Variants in DPYSL5 observed in about 807,000 individuals in gnomAD.
The protein encoded by DPYSL5 is dihydropyrimidinase-related protein 5.
DPYSL5 carries 9 observed loss-of-function variants against 58.4 expected under a neutral mutation model. The ratio of observed to expected loss-of-function variants is 0.15; its 90% CI spans 0.09 to 0.27. The LOEUF (loss-of-function observed/expected upper bound fraction) is 0.27. DPYSL5 is among the 10% of genes least tolerant of loss of function. The pLI, the probability that DPYSL5 is intolerant of heterozygous loss-of-function variation, is 1.00. For missense variants in DPYSL5, 499 were observed against 770.6 expected (o/e 0.65, Z 4.17); for synonymous variants, 293 against 301.9 (o/e 0.97, Z 0.31).
intron 6 of DPYSL5, among the ~76,000 whole-genome samples, chr2:26,932,392 T>G (rs960824805): frequency 6.6e-6 from 1 of 152,208 alleles, no homozygotes; most frequent in African/African-American, 2.4e-5. Context: ...CCGCCGAGCC[T>G]GCTGAAGCTC....
chr2:26,862,468 G>T (rs1307477210), intron 1 of DPYSL5, among the ~76,000 whole-genome samples: 2 of 152,218 alleles, frequency 1.3e-5, no homozygotes, highest in African/African-American at 4.8e-5. Context: ...GGTCTATAGG[G>T]ATAAACTGGG....
rs541913665 is a variant in DPYSL5 at position 26,877,102 on chromosome 2, G to T, written c.-4-21394G>T. Among the ~76,000 whole-genome samples the T allele has an allele frequency of 3.3e-5, 5 of 151,632 alleles. No homozygotes were observed. The highest frequency in any genetic ancestry group is 3.3e-4 in the Admixed American group (5 of 15,216). ...TTGCCTCAGCCTCCCGAGTAGCTGG[G>T]ATTATAGGCGCCTGCCACCAAGCCC... On this transcript the variant is annotated intron_variant, in intron 1 of 12. Coordinates refer to ENST00000288699, the MANE Select transcript of DPYSL5 (RefSeq NM_020134.4). The surrounding 1 kb of genome is among the most constrained non-coding windows in gnomAD (Gnocchi z 4.1).
intron 1 of DPYSL5, among the ~76,000 whole-genome samples, chr2:26,887,759 A>G (rs1663756643): frequency 1.3e-5 from 2 of 149,496 alleles, no homozygotes; most frequent in Non-Finnish European, 2.9e-5. Context: ...CTCATGAAAG[A>G]CTGCACTCCC....
chr2:26,912,986 C>T (rs1664479671), intron 2 of DPYSL5, among the ~76,000 whole-genome samples: 1 of 152,206 alleles, frequency 6.6e-6, no homozygotes, highest in Non-Finnish European at 1.5e-5. Flanking sequence ...GCTCTAGAGT[C>T]TGGCTATGTG....
intron 2 of DPYSL5, among the ~76,000 whole-genome samples, chr2:26,923,871 G>C (rs1301364674): frequency 6.6e-6 from 1 of 152,052 alleles, no homozygotes; most frequent in African/African-American, 2.4e-5. Context: ...TGTTGGCCAG[G>C]CTCATCTTGA....
chr2:26,886,190 C>G (rs1415219636), intron 1 of DPYSL5, among the ~76,000 whole-genome samples: 1 of 152,166 alleles, frequency 6.6e-6, no homozygotes, highest in East Asian at 1.9e-4. Context: ...GATTGGATGT[C>G]GGGAGAAGTA....
At chr2:26,867,172 G>A (rs1187150156) in intron 1 of DPYSL5, among the ~76,000 whole-genome samples, 1 of 152,058 alleles carries the variant, frequency 6.6e-6, no homozygotes, top group African/African-American at 2.4e-5. Flanking sequence ...TATGTACATA[G>A]GTAAATATCT....
rs1665682747 is a variant in DPYSL5 at position 26,849,255 on chromosome 2, C to A, written c.-5+1001C>A. ...GAGGAGGGATGCAGGCGGGTGGAGG[C>A]CGCCTGGGTTTGAGGAGGGAGGACG... On this transcript the variant is annotated intron_variant, in intron 1 of 12. Transcript: ENST00000288699. The surrounding 1 kb of genome is among the most constrained non-coding windows in gnomAD (Gnocchi z 6.2). 6.6e-6 allele frequency among the ~76,000 whole-genome samples: 1 copy of A among 151,560 alleles called. No individual in the cohort carries two copies. The highest frequency in any genetic ancestry group is 1.5e-5 in the Non-Finnish European group (1 of 67,818).
Position 26,927,142 on chromosome 2 carries a change from C to A in DPYSL5, c.421-111C>A, listed in dbSNP as rs1214077831. 1.7e-6 allele frequency: 2 copies of A among 1,183,408 alleles called. No homozygotes were observed. The highest frequency in any genetic ancestry group is 1.5e-5 in the African/African-American group (1 of 64,788). 73.3% of individuals were successfully genotyped at this position (1,183,408 alleles called of 1,614,324 possible). On this transcript the variant is annotated intron_variant, in intron 3 of 12. Transcript: ENST00000288699. This position sits in a 1 kb window ranked among gnomAD's most constrained non-coding sequence, Gnocchi z 4.3. ...TAGAGAGGTGTGGGGGGTCAACCGACAGACTGAGCTGGGGCAGGCCCCACA... is the reference window on the plus strand; with the variant it reads ...TAGAGAGGTGTGGGGGGTCAACCGAAAGACTGAGCTGGGGCAGGCCCCACA...
intron 1 of DPYSL5, among the ~76,000 whole-genome samples, chr2:26,892,963 G>A (rs1009381994): frequency 2.0e-5 from 3 of 152,192 alleles, no homozygotes; most frequent in African/African-American, 7.2e-5. Context: ...CCAGACAATA[G>A]GCTTGTGGCT....
In DPYSL5 at chr2:26,932,137, GAGAAAGAAAGAA is replaced by G. The variant is rs531719106; in HGVS notation, c.714+515_714+526del. Among the ~76,000 whole-genome samples, 158 of 59,720 alleles carry G rather than the reference GAGAAAGAAAGAA, an allele frequency of 2.6e-3. 2 individuals carry two copies. Among genetic ancestry groups the G allele is most frequent in the Admixed American group, 8.3e-3 (44 of 5,284 alleles). 39.2% of individuals were successfully genotyped at this position (59,720 alleles called of 152,430 possible). ...GAAAAAAGAAAGAGAAAGAAAGAAAGAGAAAGAAAGAAAGAAAGAAAGAAAGAAAGAAAGAAA... is the reference window on the plus strand; with the variant it reads ...GAAAAAAGAAAGAGAAAGAAAGAAAGAGAAAGAAAGAAAGAAAGAAAGAAA... On this transcript the variant is annotated intron_variant, in intron 6 of 12. Transcript: ENST00000288699.
intron 8 of DPYSL5, among the ~76,000 whole-genome samples, chr2:26,938,286 C>T (rs1240912600): frequency 1.3e-5 from 2 of 152,238 alleles, no homozygotes; most frequent in Non-Finnish European, 2.9e-5. Context: ...GAGCCTGTTG[C>T]TCTCAGGGTC....
intron 9 of DPYSL5, 116 bp downstream of exon 9, chr2:26,940,288 A>AC: frequency 7.6e-7 from 1 of 1,316,482 alleles, no homozygotes; most frequent in Non-Finnish European, 1.0e-6. Flanking sequence ...ATGTTCTTAG[A>AC]AGGGCTGGTT....
intron 2 of DPYSL5, among the ~76,000 whole-genome samples, chr2:26,906,405 A>G (rs1448115312): frequency 6.6e-6 from 1 of 151,930 alleles, no homozygotes; most frequent in Non-Finnish European, 1.5e-5. Flanking sequence ...GATGGTCTCT[A>G]TCTCTTGACC....
At position 26,905,659 on chromosome 2, in the gene DPYSL5, C is replaced by T. The variant is rs1475842833; in HGVS notation, c.261+6899C>T. On this transcript the variant is annotated intron_variant, in intron 2 of 12. Transcript: ENST00000288699. The surrounding 1 kb of genome is among the most constrained non-coding windows in gnomAD (Gnocchi z 4.0). ...TCTCTCCACTTTCTTCTGTGACTCACCTGTAGGCTGTAAAGAGCCCTGTGA... is the reference window on the plus strand; with the variant it reads ...TCTCTCCACTTTCTTCTGTGACTCATCTGTAGGCTGTAAAGAGCCCTGTGA... Among the ~76,000 whole-genome samples, 1 of 152,180 alleles carries T rather than the reference C, an allele frequency of 6.6e-6. No individual in the cohort carries two copies. The highest frequency in any genetic ancestry group is 2.4e-5 in the African/African-American group (1 of 41,434).
intron 1 of DPYSL5, among the ~76,000 whole-genome samples, chr2:26,892,755 T>C (rs1210543333): frequency 2.0e-5 from 1 of 50,866 alleles, no homozygotes; most frequent in African/African-American, 8.9e-5. Context: ...TTGGGTTTGT[T>C]TGAGAGAGAG....
chr2:26,938,444 G>C (rs183759892), intron 8 of DPYSL5: 1 of 152,352 alleles, frequency 6.6e-6, no homozygotes, highest in African/African-American at 2.4e-5. Context: ...GGGAGCCTTG[G>C]GGCTCTGCGG....
rs1000675871 is a variant in DPYSL5, at chr2:26,886,102, A to G, written c.-4-12394A>G. 1.5e-3 allele frequency among the ~76,000 whole-genome samples: 234 copies of G among 152,142 alleles called. 2 individuals are homozygous for G. Among genetic ancestry groups the G allele is most frequent in the Non-Finnish European group, 2.8e-4 (19 of 68,022 alleles). On this transcript the variant is annotated intron_variant, in intron 1 of 12. Coordinates refer to ENST00000288699, the MANE Select transcript of DPYSL5 (RefSeq NM_020134.4). ...ATGCTCCCGCTCCCTCATTAGCTAGACTTTCAGTTTCCTGTTTGCTTCAGA... is the reference window on the plus strand; with the variant it reads ...ATGCTCCCGCTCCCTCATTAGCTAGGCTTTCAGTTTCCTGTTTGCTTCAGA...
chr2:26,917,437 A>G (rs186091107), intron 2 of DPYSL5, among the ~76,000 whole-genome samples: 213 of 151,900 alleles, frequency 1.4e-3, no homozygotes, highest in African/African-American at 5.0e-3. Context: ...CCAGAGGGAC[A>G]GAGAGTGGGG....
Sources: gnomAD v4.1 joint callset for allele counts (sites outside exome capture counted in the v4.1 genomes callset) on GRCh38, gnomAD v4.1.1 for gene constraint, Gnocchi (gnomAD v3.1) non-coding constraint, MANE v1.5 for transcripts, NCBI Gene and HGNC (gene_info 2026-07-23, HGNC 2026-07-21) for gene names.